Variants in NUP188 observed in about 807,000 individuals in gnomAD.
NUP188 encodes the protein nucleoporin NUP188.
In NUP188, 97 loss-of-function variants were observed where a neutral mutation model predicts 223.0. That is an observed-to-expected ratio of 0.43 (90% CI 0.37 to 0.51). The LOEUF (loss-of-function observed/expected upper bound fraction) is 0.51, where lower values mean the gene tolerates loss of function less well. Among genes scored for constraint, NUP188 ranks in the 20% least tolerant of loss-of-function variants. The probability of loss-of-function intolerance (pLI) is 0.00; values close to 1 mark genes in which losing one functional copy is unlikely to be tolerated. For synonymous variants in NUP188, 869 were observed against 828.0 expected (o/e 1.05, Z -0.85); for missense variants, 1,947 against 2,175.6 (o/e 0.89, Z 2.09).
intron 24 of NUP188, among the ~76,000 whole-genome samples, chr9:128,989,450 C>T: frequency 6.6e-6 from 1 of 152,146 alleles, no homozygotes; most frequent in East Asian, 1.9e-4. Flanking sequence ...CTTTTAATCC[C>T]AGCACTTTGG....
rs1335715922 is a variant in NUP188 at position 128,980,728 on chromosome 9, A to C, written c.1389+3A>C. 6.2e-7 allele frequency: 1 copy of C among 1,613,668 alleles called. No homozygotes were observed. Among genetic ancestry groups the C allele is most frequent in the East Asian group, 2.2e-5 (1 of 44,868 alleles). On this transcript the variant is annotated splice_donor_region_variant and intron_variant, in intron 14 of 43. Transcript: ENST00000372577. ...CAGGGAAGTCCACAGCCAAAAAGGT[A>C]AGTTGCTTAGTCAGATAAGTAAAGA... is the stretch of plus-strand genomic sequence containing the variant.
intron 19 of NUP188, among the ~76,000 whole-genome samples, chr9:128,983,786 C>G (rs144550421): frequency 1.3e-5 from 2 of 151,896 alleles, no homozygotes; most frequent in Admixed American, 6.6e-5. Flanking sequence ...CGAGCCACCA[C>G]GCCCAGCTAA....
At chr9:128,983,911 C>A (rs1476569105) in intron 19 of NUP188, among the ~76,000 whole-genome samples, 12 of 152,110 alleles carry the variant, frequency 7.9e-5, no homozygotes, top group African/African-American at 2.4e-5. Flanking sequence ...GCCTCTGCCT[C>A]CCGGGTTCAA....
Position 128,984,900 on chromosome 9 carries a change from T to G in NUP188, c.1962T>G (p.Ser654Arg). ...TTTTTCCCTCTACTTCTTTTTCCAG[T>G]GCGGAAGGGATGAATGCTGGAGGGT... Reference protein sequence around the residue: ...HPVSSLSQMISAEGMNAGGYG... With the variant: ...HPVSSLSQMIRAEGMNAGGYG... The change falls in exon 20 of 44, where the codon AGT becomes AGG. Residue 654 changes from serine to arginine, a missense_variant and splice_region_variant. Transcript: ENST00000372577. 1 of 1,604,092 alleles carries G rather than the reference T, an allele frequency of 6.2e-7. No homozygotes were observed. The highest frequency in any genetic ancestry group is 8.5e-7 in the Non-Finnish European group (1 of 1,174,012).
intron 3 of NUP188, among the ~76,000 whole-genome samples, chr9:128,955,659 G>A (rs1180681036): frequency 6.7e-6 from 1 of 150,230 alleles, no homozygotes; most frequent in Non-Finnish European, 1.5e-5. Context: ...TTTCTATTAT[G>A]TCATCTCCTA....
chr9:128,975,608 C>T (rs1842165586), intron 12 of NUP188, among the ~76,000 whole-genome samples: 1 of 151,164 alleles, frequency 6.6e-6, no homozygotes, highest in Non-Finnish European at 1.5e-5. Context: ...TCAAGTCTGC[C>T]TCCTGGGTTC....
rs866006512 is a variant in NUP188, at chr9:129,006,297, C to T, written c.5002C>T (p.Arg1668Trp). ...CTACCTGCTCATCTCTCAGGCGATG[C>T]GGTACCTTAGGGACCCGGCTGTGCA... Reference protein sequence around the residue: ...CFYLLISQAMRYLRDPAVHPR... With the variant: ...CFYLLISQAMWYLRDPAVHPR... The change falls in exon 43 of 44, where the codon CGG becomes TGG. Residue 1668 changes from arginine (R) to tryptophan (W), a missense_variant. Coordinates refer to ENST00000372577, the MANE Select transcript of NUP188 (RefSeq NM_015354.3). 10 of 1,614,026 alleles carry T rather than the reference C, an allele frequency of 6.2e-6. No individual in the cohort carries two copies. The highest frequency in any genetic ancestry group is 4.0e-5 in the African/African-American group (3 of 74,908).
chr9:129,003,022 A>C (rs1424220708), intron 37 of NUP188, 47 bp downstream of exon 37: 5 of 1,601,642 alleles, frequency 3.1e-6, no homozygotes, highest in Non-Finnish European at 4.3e-6. Context: ...AGGGTAAAAA[A>C]GGTACTGGGC....
chr9:128,973,430 T>C (rs961921931), intron 12 of NUP188, among the ~76,000 whole-genome samples, 181 bp downstream of exon 12: 3 of 152,198 alleles, frequency 2.0e-5, no homozygotes, highest in African/African-American at 7.2e-5. Context: ...TCCCCCAGGC[T>C]GGAGTGTGGT....
At chr9:128,988,209 C>G (rs773435303) in intron 24 of NUP188, 23 bp downstream of exon 24, 2 of 1,612,896 alleles carry the variant, frequency 1.2e-6, no homozygotes, top group Non-Finnish European at 1.7e-6. Context: ...CTTCCAGTCA[C>G]AACATGGTAT....
At chr9:128,975,825 A>G (rs1196854857) in intron 12 of NUP188, among the ~76,000 whole-genome samples, 1 of 145,222 alleles carries the variant, frequency 6.9e-6, no homozygotes, top group Admixed American at 6.9e-5. Flanking sequence ...GCCTATGTTT[A>G]TTTTTTATTG....
chr9:128,966,260 CTGTGTGTG>C (rs10616823), intron 8 of NUP188, among the ~76,000 whole-genome samples: 62 of 139,650 alleles, frequency 4.4e-4, no homozygotes, highest in East Asian at 1.1e-3. Context: ...GTCTCTGTGT[CTGTGTGTG>C]TGTGTGTGTG....
chr9:128,981,421 G>GT, intron 15 of NUP188, 31 bp downstream of exon 15: 2 of 1,565,066 alleles, frequency 1.3e-6, no homozygotes, highest in Non-Finnish European at 1.7e-6. Flanking sequence ...TTTTATGACA[G>GT]CTTTTTTTTT....
intron 25 of NUP188, among the ~76,000 whole-genome samples, chr9:128,991,868 T>C (rs1842438715): frequency 6.6e-6 from 1 of 151,162 alleles, no homozygotes; most frequent in African/African-American, 2.4e-5. Context: ...TGTACTTTTG[T>C]TCTTGATAAA....
At chr9:128,985,526 A>G (rs1474007274) in intron 20 of NUP188, among the ~76,000 whole-genome samples, 1 of 152,216 alleles carries the variant, frequency 6.6e-6, no homozygotes, top group Non-Finnish European at 1.5e-5. Flanking sequence ...GACATAGAGC[A>G]TAAATAATGA....
At chr9:128,948,740 T>C (rs1209873589) in intron 1 of NUP188, 5 of 136,170 alleles carry the variant, frequency 3.7e-5, no homozygotes, top group Non-Finnish European at 7.5e-5. Context: ...TTTTTTTTTT[T>C]TTTGAGACGG....
chr9:128,986,090 T>C (rs1242989778), intron 20 of NUP188, among the ~76,000 whole-genome samples: 1 of 152,140 alleles, frequency 6.6e-6, no homozygotes, highest in Non-Finnish European at 1.5e-5. Context: ...TAGATATTTA[T>C]ATATAACTAA....
intron 3 of NUP188, 96 bp from the exon 4 acceptor site, chr9:128,956,254 A>T: frequency 1.6e-6 from 1 of 629,662 alleles, no homozygotes; most frequent in South Asian, 2.4e-5. Context: ...TCTGAAGGGC[A>T]GAAAATAGTC....
At chr9:129,004,863 C>T (rs1279507212) in intron 38 of NUP188, 6 of 486,670 alleles carry the variant, frequency 1.2e-5, no homozygotes, top group Non-Finnish European at 2.2e-5. Context: ...CTCAGGGAGA[C>T]AGTCCAGTCC....
Sources: allele counts gnomAD v4.1 joint callset (sites outside exome capture counted in the v4.1 genomes callset), GRCh38; gene constraint gnomAD v4.1.1; transcripts MANE v1.5; gene names NCBI Gene and HGNC (gene_info 2026-07-23, HGNC 2026-07-21).